Variants in KLRG2 observed in about 807,000 individuals in gnomAD.
The protein encoded by KLRG2 is killer cell lectin like receptor G2.
In KLRG2, 39 loss-of-function variants were observed where a neutral mutation model predicts 35.4. That is an observed-to-expected ratio of 1.10 (90% CI 0.85 to 1.44). The LOEUF (loss-of-function observed/expected upper bound fraction) is 1.44, where lower values mean the gene tolerates loss of function less well. Ranked by LOEUF, KLRG2 falls within the 40% of genes most tolerant of loss-of-function variation. The pLI, the probability that KLRG2 is intolerant of heterozygous loss-of-function variation, is 0.00. For missense variants in KLRG2, 632 were observed against 570.9 expected (o/e 1.11, Z -1.09); for synonymous variants, 283 against 265.8 (o/e 1.06, Z -0.63).
At chr7:139,447,482 C>G in the KLRG2 span, among the ~76,000 whole-genome samples, 1 of 151,272 alleles carries the variant, frequency 6.6e-6, no homozygotes, top group Admixed American at 6.6e-5. Context: ...CTCACTGCAG[C>G]TTTCACCACC....
chr7:139,465,666 T>G (rs1349738070), intron 3 of KLRG2, among the ~76,000 whole-genome samples: 1 of 138,792 alleles, frequency 7.2e-6, no homozygotes, highest in African/African-American at 2.9e-5. Context: ...CACTCCAGCC[T>G]GGGCGAGAGT....
At chr7:139,449,762 C>G (rs193121766), downstream of KLRG2, among the ~76,000 whole-genome samples, 2 of 137,028 alleles carry the variant, frequency 1.5e-5, no homozygotes, top group Non-Finnish European at 3.1e-5. Flanking sequence ...TGCAGTGGCA[C>G]GATCTTGGCT....
In KLRG2 at chr7:139,483,556, C is replaced by T; in HGVS notation, c.87G>A (p.Leu29=). Reference sequence around the variant, plus strand: ...CCTTCGCGGGCACCTGCGGCTGCTCCAGCGTGGGGACCAGGCTTCCCACGG... The same window carrying T: ...CCTTCGCGGGCACCTGCGGCTGCTCTAGCGTGGGGACCAGGCTTCCCACGG... ...MEPVGSLVPT[L]EQPQVPAKVR... The change falls in exon 1 of 5, where the codon CTG becomes CTA. Residue 29 remains leucine, a synonymous_variant. Transcript: ENST00000340940. 6.3e-7 allele frequency: 1 copy of T among 1,598,904 alleles called. No homozygotes were observed. Among genetic ancestry groups the T allele is most frequent in the Non-Finnish European group, 8.5e-7 (1 of 1,178,956 alleles).
At chr7:139,437,513 G>A in the KLRG2 span, among the ~76,000 whole-genome samples, 1 of 151,460 alleles carries the variant, frequency 6.6e-6, no homozygotes, top group African/African-American at 2.4e-5. Context: ...CTGGAATGCA[G>A]TGGCATGATC....
the KLRG2 span, among the ~76,000 whole-genome samples, chr7:139,433,074 C>G: frequency 6.6e-6 from 1 of 152,160 alleles, no homozygotes; most frequent in African/African-American, 2.4e-5. Context: ...TGTGGTTCCT[C>G]CTTGTATTTG....
rs895841773 is a variant in KLRG2 at position 139,453,253 on chromosome 7, C to T, written c.*334G>A. On this transcript the variant is annotated 3_prime_UTR_variant, in exon 5 of 5. Coordinates refer to ENST00000340940, the MANE Select transcript of KLRG2 (RefSeq NM_198508.4). ...ATTGGAATCCGCTGTGGTTGTTAAC[C>T]CTGTCTTTTTCCTCTAGGGGGAAAT... 1 of 470,712 alleles carries T rather than the reference C, an allele frequency of 2.1e-6. No homozygotes were observed. The highest frequency in any genetic ancestry group is 4.2e-5 in the South Asian group (1 of 24,052). 29.2% of individuals were successfully genotyped at this position (470,712 alleles called of 1,614,324 possible).
the KLRG2 span, among the ~76,000 whole-genome samples, chr7:139,430,835 C>G: frequency 1.3e-5 from 2 of 151,890 alleles, no homozygotes; most frequent in Non-Finnish European, 2.9e-5. Flanking sequence ...ATGGTGAAAC[C>G]CTGTCTCTAC....
intron 3 of KLRG2, among the ~76,000 whole-genome samples, chr7:139,458,386 AAAAAG>A (rs999667061): frequency 2.0e-5 from 3 of 152,144 alleles, no homozygotes; most frequent in African/African-American, 7.2e-5. Context: ...TCTCAAAAAA[AAAAAG>A]AAAGAAAGAA....
At chr7:139,454,854 A>AT (rs377538728) in intron 3 of KLRG2, among the ~76,000 whole-genome samples, 7 of 122,148 alleles carry the variant, frequency 5.7e-5, no homozygotes, top group Non-Finnish European at 9.8e-5. Context: ...AATAATAATA[A>AT]TAATAATAAT....
intron 3 of KLRG2, among the ~76,000 whole-genome samples, chr7:139,476,702 C>T (rs1341473463): frequency 6.6e-6 from 1 of 152,124 alleles, no homozygotes; most frequent in Non-Finnish European, 1.5e-5. Context: ...CTCAGGCTCC[C>T]AAAGTGCTGG....
At chr7:139,433,926 CCGCGCCCAGCAT>C in the KLRG2 span, among the ~76,000 whole-genome samples, 2 of 152,142 alleles carry the variant, frequency 1.3e-5, no homozygotes, top group African/African-American at 4.8e-5. Context: ...GTGTGAGCCA[CCGCGCCCAGCAT>C]CACGCCCAGC....
At chr7:139,442,436 G>A in the KLRG2 span, among the ~76,000 whole-genome samples, 1 of 152,216 alleles carries the variant, frequency 6.6e-6, no homozygotes, top group African/African-American at 2.4e-5. Context: ...GATAGGCCAG[G>A]CACGGTAGCT....
At chr7:139,437,340 G>C in the KLRG2 span, among the ~76,000 whole-genome samples, 1 of 148,306 alleles carries the variant, frequency 6.7e-6, no homozygotes, top group African/African-American at 2.5e-5. Context: ...TGGGAGAATC[G>C]CTTGAACCCA....
intron 1 of KLRG2, 137 bp from the exon 2 acceptor site, chr7:139,480,384 T>G: frequency 2.1e-6 from 1 of 471,998 alleles, no homozygotes; most frequent in Admixed American, 3.3e-5. Flanking sequence ...GATGCCAACA[T>G]AAACCACAAC....
At chr7:139,450,850 C>T (rs1796367562), downstream of KLRG2, among the ~76,000 whole-genome samples, 1 of 152,136 alleles carries the variant, frequency 6.6e-6, no homozygotes, top group Admixed American at 6.5e-5. Flanking sequence ...ACTGGCTGGC[C>T]CTGTAACCAA....
chr7:139,443,939 G>A, the KLRG2 span, among the ~76,000 whole-genome samples: 1 of 152,202 alleles, frequency 6.6e-6, no homozygotes, highest in Non-Finnish European at 1.5e-5. Flanking sequence ...CTCAAAAATA[G>A]GGAAGCCGAC....
chr7:139,443,214 C>A, the KLRG2 span, among the ~76,000 whole-genome samples: 1 of 150,552 alleles, frequency 6.6e-6, no homozygotes, highest in Non-Finnish European at 1.5e-5. Flanking sequence ...CCTGCCTCAG[C>A]CTCCCAAGTA....
chr7:139,468,870 C>T (rs988010467), intron 3 of KLRG2, among the ~76,000 whole-genome samples: 2 of 152,150 alleles, frequency 1.3e-5, no homozygotes, highest in Admixed American at 6.5e-5. Flanking sequence ...ATGCACATAA[C>T]GCTGTTCGGG....
chr7:139,474,045 T>A (rs1367226341), intron 3 of KLRG2, among the ~76,000 whole-genome samples: 3 of 146,094 alleles, frequency 2.1e-5, no homozygotes, highest in Non-Finnish European at 4.5e-5. Context: ...GGAGACCTAG[T>A]CTCACTCTGT....
Sources: gnomAD v4.1 joint callset for allele counts (sites outside exome capture counted in the v4.1 genomes callset) on GRCh38, gnomAD v4.1.1 for gene constraint, MANE v1.5 for transcripts, NCBI Gene and HGNC (gene_info 2026-07-23, HGNC 2026-07-21) for gene names.